ZNHIT6: variants seen among roughly 807,000 people sequenced by gnomAD.
The protein encoded by ZNHIT6 is box C/D snoRNA protein 1.
ZNHIT6 carries 45 observed loss-of-function variants against 57.2 expected under a neutral mutation model. The ratio of observed to expected loss-of-function variants is 0.79; its 90% CI spans 0.62 to 1.01. The LOEUF (loss-of-function observed/expected upper bound fraction) is 1.01. Among genes scored for constraint, ZNHIT6 ranks in the 50% least tolerant of loss-of-function variants. The pLI is 0.00. For synonymous variants in ZNHIT6, 188 were observed against 190.0 expected (o/e 0.99, Z 0.09); for missense variants, 528 against 567.3 (o/e 0.93, Z 0.70).
intron 8 of ZNHIT6, among the ~76,000 whole-genome samples, chr1:85,658,300 C>T (rs1035187827): frequency 6.6e-5 from 10 of 152,136 alleles, no homozygotes; most frequent in Admixed American, 1.3e-4. Context: ...ACAATCTCGG[C>T]TCACTGCAAC....
intron 5 of ZNHIT6, among the ~76,000 whole-genome samples, chr1:85,695,568 G>T (rs1662342640): frequency 6.6e-6 from 1 of 152,124 alleles, no homozygotes; most frequent in Non-Finnish European, 1.5e-5. Flanking sequence ...TTGATTAAAA[G>T]AAACAGAGAT....
intron 5 of ZNHIT6, among the ~76,000 whole-genome samples, chr1:85,701,416 G>A (rs572060635): frequency 3.9e-5 from 6 of 152,284 alleles, no homozygotes; most frequent in Admixed American, 3.9e-4. Flanking sequence ...CTTCTGAAAG[G>A]TATTATCTGA....
chr1:85,667,961 A>AAAAAAAAAAATGTATATATATAT, intron 8 of ZNHIT6, among the ~76,000 whole-genome samples: 2 of 18,202 alleles, frequency 1.1e-4, no homozygotes, highest in African/African-American at 2.1e-4. Flanking sequence ...AAAAAAAAAA[A>AAAAAAAAAAATGTATATATATAT]ATATATATAT....
intron 1 of ZNHIT6, among the ~76,000 whole-genome samples, chr1:85,707,294 ATTCT>A (rs1186644072): frequency 6.6e-6 from 1 of 152,110 alleles, no homozygotes; most frequent in African/African-American, 2.4e-5. Flanking sequence ...TCTCATCTCT[ATTCT>A]CTCTCAAAGG....
rs1012478507 is a variant in ZNHIT6 at position 85,652,353 on chromosome 1, A to G, written c.*1705T>C. 2 of 152,228 alleles carry G rather than the reference A, an allele frequency of 1.3e-5. No individual in the cohort carries two copies. The highest frequency in any genetic ancestry group is 2.4e-5 in the African/African-American group (1 of 41,452). 9.4% of individuals were successfully genotyped at this position (152,228 alleles called of 1,614,324 possible). A position where few individuals can be genotyped will look rare whatever the true frequency, so the allele number is the denominator to read the frequency against. ...AAGACACATTTCACTTTTGATTATAAATGAATTCCTTGAAATCTTATTTGT... is the reference window on the plus strand; with the variant it reads ...AAGACACATTTCACTTTTGATTATAGATGAATTCCTTGAAATCTTATTTGT... On this transcript the variant is annotated 3_prime_UTR_variant, in exon 10 of 10. Transcript: ENST00000370574.
intron 8 of ZNHIT6, among the ~76,000 whole-genome samples, chr1:85,668,614 T>A (rs1661454058): frequency 1.3e-5 from 2 of 152,360 alleles, no homozygotes; most frequent in Admixed American, 6.5e-5. Flanking sequence ...ATTTTTAAGT[T>A]CTAACTTTTA....
At chr1:85,679,570 T>G (rs1001341087) in intron 6 of ZNHIT6, among the ~76,000 whole-genome samples, 8 of 150,748 alleles carry the variant, frequency 5.3e-5, no homozygotes, top group African/African-American at 2.0e-4. Context: ...AATGTTTTTT[T>G]TTTTTTTTTT....
At position 85,660,959 on chromosome 1, in the gene ZNHIT6, T is replaced by C. The variant is rs542851523; in HGVS notation, c.1248-2988A>G. ...CAAACTTCTAATCAGCAATACGCTA[T>C]TGAGTGTCAGTAAGCTTCTGGGCCA... On this transcript the variant is annotated intron_variant, in intron 8 of 9. Coordinates refer to ENST00000370574, the MANE Select transcript of ZNHIT6 (RefSeq NM_017953.4). Among the ~76,000 whole-genome samples the C allele has an allele frequency of 4.6e-5, 7 of 152,320 alleles. No homozygotes were observed. The East Asian group carries it at 1.2e-3, about 25-fold the overall frequency.
intron 5 of ZNHIT6, among the ~76,000 whole-genome samples, chr1:85,700,504 T>C (rs1351006634): frequency 6.6e-6 from 1 of 152,028 alleles, no homozygotes; most frequent in Admixed American, 6.5e-5. Context: ...ATATTAAACC[T>C]GGAAAATATA....
chr1:85,657,593 A>T (rs963186446), intron 9 of ZNHIT6, among the ~76,000 whole-genome samples: 30 of 151,784 alleles, frequency 2.0e-4, no homozygotes, highest in African/African-American at 6.5e-4. Context: ...ACCCCATGCT[A>T]AAAAAAAGTC....
At chr1:85,696,867 T>C (rs1039311371) in intron 5 of ZNHIT6, among the ~76,000 whole-genome samples, 24 of 148,130 alleles carry the variant, frequency 1.6e-4, no homozygotes, top group Non-Finnish European at 3.4e-4. Flanking sequence ...TTTTTTTTTT[T>C]TTGGAGACAG....
chr1:85,660,744 C>T (rs1483784367), intron 8 of ZNHIT6, among the ~76,000 whole-genome samples: 2 of 152,012 alleles, frequency 1.3e-5, no homozygotes, highest in Non-Finnish European at 2.9e-5. Flanking sequence ...AATGATTATA[C>T]TTAAAAAAAC....
chr1:85,696,014 T>C (rs1224044076), intron 5 of ZNHIT6, among the ~76,000 whole-genome samples: 2 of 152,192 alleles, frequency 1.3e-5, no homozygotes, highest in Non-Finnish European at 2.9e-5. Context: ...CCAGCCTGGG[T>C]GACAGAGCAA....
intron 5 of ZNHIT6, among the ~76,000 whole-genome samples, chr1:85,682,178 A>ATTTTT (rs11394558): frequency 2.3e-5 from 3 of 130,188 alleles, no homozygotes; most frequent in African/African-American, 5.8e-5. Flanking sequence ...CGCCCGGCTA[A>ATTTTT]TTTTTTTTTT....
Position 85,708,391 on chromosome 1 carries a change from A to T in ZNHIT6, c.-107T>A. The stretch of plus-strand genomic sequence containing the variant: ...AATACCTACGGCGGCCCACGTGTGG[A>T]GCCAAGCAGCCACAAACCCGGAATA... On this transcript the variant is annotated 5_prime_UTR_variant, in exon 1 of 10. Transcript: ENST00000370574. The T allele has an allele frequency of 2.9e-6, 4 of 1,387,364 alleles. No individual in the cohort carries two copies. The highest frequency in any genetic ancestry group is 2.5e-5 in the Admixed American group (1 of 40,010). 85.9% of individuals were successfully genotyped at this position (1,387,364 alleles called of 1,614,324 possible). A position where few individuals can be genotyped will look rare whatever the true frequency, so the allele number is the denominator to read the frequency against.
At chr1:85,685,137 A>C (rs1478500388) in intron 5 of ZNHIT6, among the ~76,000 whole-genome samples, 1 of 152,208 alleles carries the variant, frequency 6.6e-6, no homozygotes, top group Non-Finnish European at 1.5e-5. Context: ...TATAAATAAA[A>C]ATTTGTAATT....
chr1:85,669,961 A>G (rs1438828935), intron 8 of ZNHIT6, among the ~76,000 whole-genome samples: 1 of 152,146 alleles, frequency 6.6e-6, no homozygotes, highest in Non-Finnish European at 1.5e-5. Context: ...GACCTGATCA[A>G]TCTTAACTGA....
intron 5 of ZNHIT6, among the ~76,000 whole-genome samples, chr1:85,682,994 A>G (rs942112583): frequency 1.4e-4 from 21 of 152,198 alleles, no homozygotes; most frequent in Admixed American, 1.4e-3. Flanking sequence ...AGGTGGGCGC[A>G]TCGTTTGAGC....
In ZNHIT6 at chr1:85,656,928, A is replaced by T. The variant is rs192821941; in HGVS notation, c.1372+919T>A. Among the ~76,000 whole-genome samples the T allele has an allele frequency of 9.0e-4, 137 of 152,284 alleles. 1 individual carries two copies. The East Asian group carries it at 0.019, about 21-fold the overall frequency. The stretch of plus-strand genomic sequence containing the variant: ...CAGCCTGTAATGCTGGTATAACAAT[A>T]AAACTTAAACTACCCATTTCAAATA... On this transcript the variant is annotated intron_variant, in intron 9 of 9. Coordinates refer to ENST00000370574, the MANE Select transcript of ZNHIT6 (RefSeq NM_017953.4).
Sources: allele counts gnomAD v4.1 joint callset (sites outside exome capture counted in the v4.1 genomes callset), GRCh38; gene constraint gnomAD v4.1.1; transcripts MANE v1.5; gene names NCBI Gene and HGNC (gene_info 2026-07-23, HGNC 2026-07-21).